Variants in RTN4IP1 observed in about 807,000 individuals in gnomAD.
The protein encoded by RTN4IP1 is NAD(P)H oxidoreductase RTN4IP1, mitochondrial.
Under a neutral mutation model 46.6 loss-of-function variants are expected in RTN4IP1, and 32 were observed. That is an observed-to-expected ratio of 0.69 (90% CI 0.52 to 0.92). The LOEUF (loss-of-function observed/expected upper bound fraction) is 0.92, where lower values mean the gene tolerates loss of function less well. Among genes scored for constraint, RTN4IP1 ranks in the 40% least tolerant of loss-of-function variants. The pLI, the probability that RTN4IP1 is intolerant of heterozygous loss-of-function variation, is 0.00. For missense variants in RTN4IP1, 424 were observed against 485.8 expected (o/e 0.87, Z 1.20); for synonymous variants, 167 against 161.8 (o/e 1.03, Z -0.24).
chr6:106,612,016 C>A (rs72945056), intron 4 of RTN4IP1, among the ~76,000 whole-genome samples: 6,019 of 152,266 alleles, frequency 0.04, 174 homozygotes, highest in Non-Finnish European at 0.06. Flanking sequence ...ATGTATCCCC[C>A]CAAATGGGAT....
intron 6 of RTN4IP1, among the ~76,000 whole-genome samples, chr6:106,588,197 CA>C (rs137875954): frequency 0.073 from 11,066 of 152,234 alleles, 592 homozygotes; most frequent in East Asian, 0.2. Flanking sequence ...TAGCCCCTCA[CA>C]AGCTAAAAAA....
chr6:106,594,559 T>G (rs988995171), intron 5 of RTN4IP1, among the ~76,000 whole-genome samples: 4 of 151,400 alleles, frequency 2.6e-5, no homozygotes, highest in African/African-American at 9.7e-5. Context: ...AGCTATAGGG[T>G]GAACACCACC....
At chr6:106,610,744 T>G (rs1172604442) in intron 4 of RTN4IP1, among the ~76,000 whole-genome samples, 1 of 152,120 alleles carries the variant, frequency 6.6e-6, no homozygotes. Flanking sequence ...AGTACACATA[T>G]AGAGCTTCTT....
At chr6:106,580,721 AG>A (rs1186575268) in intron 8 of RTN4IP1, among the ~76,000 whole-genome samples, 5 of 149,984 alleles carry the variant, frequency 3.3e-5, no homozygotes, top group Admixed American at 1.3e-4. Flanking sequence ...TCTGTCTCAA[AG>A]AAAAAAAAAA....
intron 1 of RTN4IP1, among the ~76,000 whole-genome samples, chr6:106,625,664 T>C (rs1776617458): frequency 7.4e-6 from 1 of 134,252 alleles, no homozygotes; most frequent in African/African-American, 3.2e-5. Flanking sequence ...TTTTTTTCTT[T>C]TTTTTTTTTT....
At chr6:106,598,158 G>A (rs1311330916) in intron 5 of RTN4IP1, among the ~76,000 whole-genome samples, 3 of 152,022 alleles carry the variant, frequency 2.0e-5, no homozygotes, top group African/African-American at 4.8e-5. Context: ...ATAAACATAC[G>A]TGTGCATGTG....
intron 4 of RTN4IP1, among the ~76,000 whole-genome samples, chr6:106,604,304 C>A (rs1776009286): frequency 6.6e-6 from 1 of 152,124 alleles, no homozygotes; most frequent in Non-Finnish European, 1.5e-5. Context: ...GTAATTAAGC[C>A]AAGTCTCCTT....
At chr6:106,584,760 A>G (rs1775445791) in intron 7 of RTN4IP1, among the ~76,000 whole-genome samples, 2 of 152,244 alleles carry the variant, frequency 1.3e-5, no homozygotes, top group Admixed American at 1.3e-4. Context: ...GACAATACCA[A>G]TTCAGTTTAA....
At chr6:106,585,433 T>C (rs148266442) in intron 7 of RTN4IP1, among the ~76,000 whole-genome samples, 1 of 152,342 alleles carries the variant, frequency 6.6e-6, no homozygotes, top group Non-Finnish European at 1.5e-5. Flanking sequence ...GTTCAAATAC[T>C]TTTCCCTAAG....
intron 8 of RTN4IP1, among the ~76,000 whole-genome samples, chr6:106,577,609 C>G (rs142996287): frequency 6.6e-6 from 1 of 152,174 alleles, no homozygotes; most frequent in African/African-American, 2.4e-5. Flanking sequence ...CAAAGATGTT[C>G]ACATCCTGAT....
At chr6:106,596,678 A>G (rs1775800989) in intron 5 of RTN4IP1, among the ~76,000 whole-genome samples, 2 of 152,218 alleles carry the variant, frequency 1.3e-5, no homozygotes, top group African/African-American at 2.4e-5. Context: ...GTTTTGTTCT[A>G]CAGGTAATTG....
At chr6:106,619,367 C>A (rs1288214823) in intron 3 of RTN4IP1, 41 bp from the exon 4 acceptor site, 1 of 1,611,896 alleles carries the variant, frequency 6.2e-7, no homozygotes, top group Non-Finnish European at 8.5e-7. Flanking sequence ...CAATGACTTG[C>A]AAACCTATGA....
At chr6:106,579,941 G>A (rs1186608920) in intron 8 of RTN4IP1, among the ~76,000 whole-genome samples, 3 of 151,840 alleles carry the variant, frequency 2.0e-5, no homozygotes, top group African/African-American at 2.4e-5. Context: ...TAGGCCGGGC[G>A]CAGTGGCTCA....
chr6:106,587,594 A>G (rs1775516697), intron 7 of RTN4IP1, 85 bp downstream of exon 7: 2 of 1,301,304 alleles, frequency 1.5e-6, no homozygotes, highest in Admixed American at 4.2e-5. Flanking sequence ...GCGGCCTCCA[A>G]GAGAAGAGAA....
chr6:106,594,286 T>A (rs1404327020), intron 5 of RTN4IP1, among the ~76,000 whole-genome samples: 1 of 152,088 alleles, frequency 6.6e-6, no homozygotes, highest in Non-Finnish European at 1.5e-5. Flanking sequence ...AATGGATGGA[T>A]CACTTGAGCT....
At chr6:106,589,252 A>AGGGAGGG (rs1775583996) in intron 6 of RTN4IP1, among the ~76,000 whole-genome samples, 1 of 3,470 alleles carries the variant, frequency 2.9e-4, no homozygotes, top group African/African-American at 4.4e-4. Flanking sequence ...GAGGAGGAGA[A>AGGGAGGG]GGAGGAGGAG....
chr6:106,604,551 G>A (rs1363757851), intron 4 of RTN4IP1, among the ~76,000 whole-genome samples: 2 of 152,018 alleles, frequency 1.3e-5, no homozygotes, highest in African/African-American at 4.8e-5. Context: ...GCAAAGGGAC[G>A]ATTTCTCTGA....
At chr6:106,608,750 A>G (rs1776148785) in intron 4 of RTN4IP1, among the ~76,000 whole-genome samples, 1 of 152,204 alleles carries the variant, frequency 6.6e-6, no homozygotes, top group Non-Finnish European at 1.5e-5. Context: ...TGCCCTGACA[A>G]TTCAAACATA....
chr6:106,572,730 T>A (rs61465560), intron 8 of RTN4IP1, among the ~76,000 whole-genome samples: 1 of 152,118 alleles, frequency 6.6e-6, no homozygotes, highest in Admixed American at 6.5e-5. Flanking sequence ...GTCCTTGCTG[T>A]ATGTATCCAT....
Sources: gnomAD v4.1 joint callset for allele counts (sites outside exome capture counted in the v4.1 genomes callset) on GRCh38, gnomAD v4.1.1 for gene constraint, MANE v1.5 for transcripts, NCBI Gene and HGNC (gene_info 2026-07-23, HGNC 2026-07-21) for gene names.